The following CAMTA1 variants were observed in gnomAD, a reference collection of about 807,000 sequenced individuals.
The protein encoded by CAMTA1 is calmodulin binding transcription activator 1, also known as calmodulin-binding transcription activator 1.
A neutral mutation model predicts 170.9 loss-of-function variants in CAMTA1; 27 were observed. The ratio of observed to expected loss-of-function variants is 0.16; its 90% CI spans 0.12 to 0.22. CAMTA1 has a LOEUF of 0.22. Among genes scored for constraint, CAMTA1 ranks in the 10% least tolerant of loss-of-function variants. The pLI is 1.00. For synonymous variants in CAMTA1, 833 were observed against 891.5 expected (o/e 0.93, Z 1.17); for missense variants, 1,619 against 2,217.2 (o/e 0.73, Z 5.42).
chr1:6,933,700 A>G (rs1165876206), intron 3 of CAMTA1, among the ~76,000 whole-genome samples: 12 of 148,596 alleles, frequency 8.1e-5, no homozygotes, highest in African/African-American at 3.0e-4. Context: ...ACATCCAATT[A>G]TTTCAGCACT....
intron 1 of CAMTA1, among the ~76,000 whole-genome samples, chr1:6,789,023 C>T (rs1042282846): frequency 6.6e-6 from 1 of 152,208 alleles, no homozygotes. Flanking sequence ...CCCCTTACCT[C>T]CAGTTTTTGG....
intron 5 of CAMTA1, among the ~76,000 whole-genome samples, chr1:7,272,027 G>A (rs575464952): frequency 6.6e-6 from 1 of 151,936 alleles, no homozygotes; most frequent in South Asian, 2.1e-4. Context: ...AACATTTAAA[G>A]AATAATAACA....
intron 3 of CAMTA1, among the ~76,000 whole-genome samples, chr1:7,043,500 C>T (rs1479004446): frequency 1.3e-5 from 2 of 152,160 alleles, no homozygotes; most frequent in Non-Finnish European, 2.9e-5. Context: ...GGCTTGTTTT[C>T]CAGCTAGTGT....
chr1:7,624,988 A>AG (rs1247210457), intron 6 of CAMTA1, among the ~76,000 whole-genome samples: 1 of 152,224 alleles, frequency 6.6e-6, no homozygotes, highest in Non-Finnish European at 1.5e-5. Context: ...CAGCGTGGGC[A>AG]GGGCCAGTGG....
At chr1:7,594,138 A>AGAAG (rs1351307974) in intron 6 of CAMTA1, among the ~76,000 whole-genome samples, 2,837 of 149,508 alleles carry the variant, frequency 0.019, 96 homozygotes, top group African/African-American at 0.065. Context: ...AAAGAAAGAA[A>AGAAG]GAAGGAAGGA....
chr1:6,790,209 G>T (rs1294002922), intron 1 of CAMTA1, among the ~76,000 whole-genome samples: 1 of 151,848 alleles, frequency 6.6e-6, no homozygotes, highest in Admixed American at 6.6e-5. Context: ...TAAGTTTTTG[G>T]ATTGTTAACT....
intron 16 of CAMTA1, among the ~76,000 whole-genome samples, chr1:7,743,664 T>G (rs910222821): frequency 6.6e-6 from 1 of 152,052 alleles, no homozygotes; most frequent in African/African-American, 2.4e-5. Flanking sequence ...TTTGTATAGT[T>G]CCATCGAGAA....
chr1:7,492,932 C>T (rs1423577371), intron 6 of CAMTA1, among the ~76,000 whole-genome samples: 2 of 116,944 alleles, frequency 1.7e-5, no homozygotes, highest in Non-Finnish European at 3.7e-5. Context: ...TGCAAACACA[C>T]ACGCACGCAC....
At chr1:7,127,304 T>C (rs1644996750) in intron 4 of CAMTA1, among the ~76,000 whole-genome samples, 1 of 135,894 alleles carries the variant, frequency 7.4e-6, no homozygotes, top group Non-Finnish European at 1.5e-5. Flanking sequence ...GGATCTACGA[T>C]GGGAAGTCTT....
Position 7,386,529 on chromosome 1 carries a change from G to A in CAMTA1, c.439-81301G>A, listed in dbSNP as rs527860398. 1.2e-4 allele frequency among the ~76,000 whole-genome samples: 18 copies of A among 152,322 alleles called. 1 individual carries two copies. The South Asian group carries it at 3.7e-3, about 32-fold the overall frequency. ...TCTCATCTCCCACCCCACGGTGGAT[G>A]TTCTTGGCCTTCTCTCTCCAACTAA... is the stretch of plus-strand genomic sequence containing the variant. On this transcript the variant is annotated intron_variant, in intron 5 of 22. Coordinates refer to ENST00000303635, the MANE Select transcript of CAMTA1 (RefSeq NM_015215.4).
At position 7,728,802 on chromosome 1, in the gene CAMTA1, A is replaced by G. The variant is rs111279676; in HGVS notation, c.2915-3646A>G. 6.0e-4 allele frequency among the ~76,000 whole-genome samples: 92 copies of G among 152,328 alleles called. 1 individual carries two copies. The Middle Eastern group carries it at 0.01, about 17-fold the overall frequency. ...ATCTGCAAGATTTCAGATTTCTAAC[A>G]AAGAGGCATGGCATCTGGAGTAAAG... On this transcript the variant is annotated intron_variant, in intron 11 of 22. Coordinates refer to ENST00000303635, the MANE Select transcript of CAMTA1 (RefSeq NM_015215.4).
chr1:7,654,798 TACACACACCC>T (rs2095871625), intron 7 of CAMTA1, among the ~76,000 whole-genome samples: 1 of 132,342 alleles, frequency 7.6e-6, no homozygotes, highest in African/African-American at 3.1e-5. Flanking sequence ...CACACACCTA[TACACACACCC>T]ACACACACCA....
At chr1:7,276,303 A>ATAATTTTTTTTTTTTTT in intron 5 of CAMTA1, among the ~76,000 whole-genome samples, 2 of 24,224 alleles carry the variant, frequency 8.3e-5, no homozygotes, top group African/African-American at 6.0e-4. Flanking sequence ...ATATATATAT[A>ATAATTTTTTTTTTTTTT]TTTTTTTTTT....
At chr1:6,926,562 T>TTCTC (rs1294971908) in intron 3 of CAMTA1, among the ~76,000 whole-genome samples, 1 of 138,906 alleles carries the variant, frequency 7.2e-6, no homozygotes, top group Non-Finnish European at 1.6e-5. Flanking sequence ...CCTTCCTTCT[T>TTCTC]TCTCTCTCTC....
intron 7 of CAMTA1, among the ~76,000 whole-genome samples, chr1:7,650,068 TAGAGC>T (rs989419791): frequency 6.6e-6 from 1 of 152,166 alleles, no homozygotes; most frequent in Non-Finnish European, 1.5e-5. Context: ...CAGGAGGCCC[TAGAGC>T]AGTCTTACCA....
At chr1:7,309,024 T>G (rs1330494789) in intron 5 of CAMTA1, among the ~76,000 whole-genome samples, 1 of 152,206 alleles carries the variant, frequency 6.6e-6, no homozygotes, top group Non-Finnish European at 1.5e-5. Context: ...AGGATCATTA[T>G]GTCTCTTTTA....
In CAMTA1 at chr1:7,584,167, A is replaced by T. The variant is rs370566857; in HGVS notation, c.511-56233A>T. ...ATGCTTGTTAAAGATGATAAGGCAG[A>T]CGTTATTCCAGGGGCGCCATGACTG... is the stretch of plus-strand genomic sequence containing the variant. On this transcript the variant is annotated intron_variant, in intron 6 of 22. Transcript: ENST00000303635. Among the ~76,000 whole-genome samples, 26 of 152,226 alleles carry T rather than the reference A, an allele frequency of 1.7e-4. 1 individual carries two copies. The South Asian group carries it at 5.4e-3, about 32-fold the overall frequency.
chr1:7,675,655 G>C (rs765149285), intron 10 of CAMTA1, among the ~76,000 whole-genome samples: 1 of 152,158 alleles, frequency 6.6e-6, no homozygotes, highest in African/African-American at 2.4e-5. Flanking sequence ...TCTCAGGTGC[G>C]CTGATGTTGC....
chr1:6,946,039 C>T (rs1687518116), intron 3 of CAMTA1, among the ~76,000 whole-genome samples: 2 of 152,114 alleles, frequency 1.3e-5, no homozygotes, highest in African/African-American at 2.4e-5. Context: ...TGAAATTGCT[C>T]GGTCACATGG....
Sources: allele counts gnomAD v4.1 joint callset (sites outside exome capture counted in the v4.1 genomes callset), GRCh38; gene constraint gnomAD v4.1.1; transcripts MANE v1.5; gene names NCBI Gene and HGNC (gene_info 2026-07-23, HGNC 2026-07-21).